The following SCARA5 variants were observed in gnomAD, a reference collection of about 807,000 sequenced individuals.
The protein encoded by SCARA5 is scavenger receptor class A member 5, also known as scavenger receptor class A, member 5 (putative).
SCARA5 carries 45 observed loss-of-function variants against 46.3 expected under a neutral mutation model. The observed-to-expected ratio is 0.97, with a 90% CI of 0.76 to 1.24. SCARA5 has a LOEUF of 1.24. Ranked by LOEUF, SCARA5 falls within the 50% of genes most tolerant of loss-of-function variation. SCARA5 has a pLI of 0.00. For missense variants in SCARA5, 680 were observed against 689.0 expected (o/e 0.99, Z 0.15); for synonymous variants, 333 against 306.5 (o/e 1.09, Z -0.90).
At chr8:27,906,748 C>A (rs1201751139) in intron 6 of SCARA5, among the ~76,000 whole-genome samples, 1 of 152,146 alleles carries the variant, frequency 6.6e-6, no homozygotes, top group Non-Finnish European at 1.5e-5. Context: ...GCTCTGTCAC[C>A]CAGGGTGGTG....
intron 8 of SCARA5, among the ~76,000 whole-genome samples, chr8:27,872,871 G>C (rs1474409447): frequency 1.3e-5 from 2 of 152,178 alleles, no homozygotes; most frequent in African/African-American, 4.8e-5. Context: ...GTTTCACCAG[G>C]GGGTTCTTGT....
chr8:27,990,501 C>T (rs1040856620), intron 1 of SCARA5, among the ~76,000 whole-genome samples: 3 of 152,150 alleles, frequency 2.0e-5, no homozygotes, highest in Non-Finnish European at 2.9e-5. Context: ...ATTTGCATTC[C>T]GTCCCTCCCA....
At chr8:27,925,541 A>C (rs954708038) in intron 3 of SCARA5, among the ~76,000 whole-genome samples, 1 of 152,214 alleles carries the variant, frequency 6.6e-6, no homozygotes, top group Non-Finnish European at 1.5e-5. Flanking sequence ...CCCTAGAAGA[A>C]AACCTAGGCA....
intron 4 of SCARA5, among the ~76,000 whole-genome samples, chr8:27,920,495 T>C (rs1807564914): frequency 6.6e-6 from 1 of 151,602 alleles, no homozygotes; most frequent in African/African-American, 2.4e-5. Flanking sequence ...ACACCTGTAA[T>C]CCTAGCTACT....
intron 4 of SCARA5, among the ~76,000 whole-genome samples, chr8:27,915,217 T>A (rs544619811): frequency 6.6e-6 from 1 of 152,248 alleles, no homozygotes; most frequent in East Asian, 1.9e-4. Flanking sequence ...CATCTCTCTG[T>A]GACCCTGAGA....
chr8:27,877,446 G>A (rs1024643857), intron 8 of SCARA5, among the ~76,000 whole-genome samples: 14 of 152,182 alleles, frequency 9.2e-5, no homozygotes, highest in South Asian at 2.1e-4. Flanking sequence ...CTACAGGATC[G>A]CTGGCCTGGC....
At chr8:27,927,838 C>T (rs986057339) in intron 3 of SCARA5, among the ~76,000 whole-genome samples, 2 of 152,046 alleles carry the variant, frequency 1.3e-5, no homozygotes, top group South Asian at 2.1e-4. Flanking sequence ...TAAAATGTGC[C>T]GAGTTCAGTG....
intron 7 of SCARA5, among the ~76,000 whole-genome samples, chr8:27,889,910 T>C (rs1216936556): frequency 6.6e-6 from 1 of 152,222 alleles, no homozygotes; most frequent in Non-Finnish European, 1.5e-5. Context: ...CGTGCACAGA[T>C]ATGCAGCACT....
chr8:27,926,436 G>A (rs906389156), intron 3 of SCARA5, among the ~76,000 whole-genome samples: 12 of 151,590 alleles, frequency 7.9e-5, no homozygotes, highest in African/African-American at 2.0e-4. Flanking sequence ...ATCACACACC[G>A]GGGCCTGTCA....
chr8:27,954,721 C>T (rs1808181047), intron 3 of SCARA5, among the ~76,000 whole-genome samples: 1 of 152,160 alleles, frequency 6.6e-6, no homozygotes, highest in South Asian at 2.1e-4. Context: ...GATTTCTGAG[C>T]CAAAGCATAT....
intron 7 of SCARA5, among the ~76,000 whole-genome samples, chr8:27,888,872 C>T (rs547712178): frequency 1.1e-4 from 17 of 152,300 alleles, no homozygotes; most frequent in African/African-American, 4.1e-4. Flanking sequence ...GAACACAGGG[C>T]AGGAGACTGG....
chr8:27,929,310 G>T (rs1340795907), intron 3 of SCARA5, among the ~76,000 whole-genome samples: 1 of 151,822 alleles, frequency 6.6e-6, no homozygotes, highest in East Asian at 1.9e-4. Flanking sequence ...GAAAAAAATG[G>T]CATAAGGTCA....
intron 4 of SCARA5, among the ~76,000 whole-genome samples, chr8:27,920,709 G>A: frequency 6.6e-6 from 1 of 152,070 alleles, no homozygotes; most frequent in East Asian, 1.9e-4. Flanking sequence ...CTACTTGGAA[G>A]GCTAAGGCAG....
chr8:27,966,291 C>T, intron 3 of SCARA5, 123 bp downstream of exon 3: 1 of 1,028,800 alleles, frequency 9.7e-7, no homozygotes, highest in Non-Finnish European at 1.4e-6. Context: ...CTTCCTTCTT[C>T]CTCTATGGTT....
chr8:27,981,417 G>A (rs989925181), intron 2 of SCARA5, among the ~76,000 whole-genome samples: 4 of 152,188 alleles, frequency 2.6e-5, no homozygotes, highest in African/African-American at 9.7e-5. Flanking sequence ...CTTTAAAGGA[G>A]CTGTGGTCTT....
chr8:27,872,761 T>G (rs898657793), intron 8 of SCARA5, among the ~76,000 whole-genome samples: 1 of 152,238 alleles, frequency 6.6e-6, no homozygotes, highest in Non-Finnish European at 1.5e-5. Flanking sequence ...TCTGTGGGAT[T>G]AGTCACACCC....
At chr8:27,938,886 T>A (rs2129864619) in intron 3 of SCARA5, among the ~76,000 whole-genome samples, 1 of 152,284 alleles carries the variant, frequency 6.6e-6, no homozygotes, top group African/African-American at 2.4e-5. Context: ...ATATATATAT[T>A]TCTTAAACAC....
chr8:27,951,633 A>G (rs550524478), intron 3 of SCARA5, among the ~76,000 whole-genome samples: 2 of 152,272 alleles, frequency 1.3e-5, no homozygotes, highest in East Asian at 3.9e-4. Context: ...GCGACTGCCC[A>G]TGGCCACACG....
Position 27,992,103 on chromosome 8 carries a change from G to A in SCARA5, c.-16+154C>T, listed in dbSNP as rs1033989129. ...GCAGATATCTGCGGGCCCAGCAGGC[G>A]GGGACCTTCCCACCTGGAGAAGGCA... On this transcript the variant is annotated intron_variant, in intron 1 of 8. Coordinates refer to ENST00000354914, the MANE Select transcript of SCARA5 (RefSeq NM_173833.6). Among the ~76,000 whole-genome samples, 27 of 152,274 alleles carry A rather than the reference G, an allele frequency of 1.8e-4. No homozygotes were observed. The East Asian group carries it at 3.1e-3, about 17-fold the overall frequency.
Sources: gnomAD v4.1 joint callset for allele counts (sites outside exome capture counted in the v4.1 genomes callset) on GRCh38, gnomAD v4.1.1 for gene constraint, MANE v1.5 for transcripts, NCBI Gene and HGNC (gene_info 2026-07-23, HGNC 2026-07-21) for gene names.